The following CAMKMT variants were observed in gnomAD, a reference collection of about 807,000 sequenced individuals.
CAMKMT encodes calmodulin-lysine N-methyltransferase.
A neutral mutation model predicts 48.0 loss-of-function variants in CAMKMT; 53 were observed. That is an observed-to-expected ratio of 1.10 (90% confidence interval 0.89 to 1.39). CAMKMT has a LOEUF of 1.39. Ranked by LOEUF, CAMKMT falls within the 40% of genes most tolerant of loss-of-function variation. The pLI is 0.00. For synonymous variants in CAMKMT, 165 were observed against 152.3 expected (o/e 1.08, Z -0.61); for missense variants, 428 against 402.7 (o/e 1.06, Z -0.54).
chr2:44,632,291 T>G (rs368687366), intron 3 of CAMKMT, among the ~76,000 whole-genome samples: 21 of 152,330 alleles, frequency 1.4e-4, no homozygotes, highest in African/African-American at 4.6e-4. Flanking sequence ...TTTTTATTTT[T>G]TCCTTTATCA....
intron 3 of CAMKMT, among the ~76,000 whole-genome samples, chr2:44,604,957 A>G (rs1283823388): frequency 6.6e-6 from 1 of 152,108 alleles, no homozygotes; most frequent in Non-Finnish European, 1.5e-5. Flanking sequence ...TCAACGTGTT[A>G]TTTTCCCTTA....
At chr2:44,542,245 C>G (rs78781965) in intron 3 of CAMKMT, among the ~76,000 whole-genome samples, 95 of 152,098 alleles carry the variant, frequency 6.2e-4, no homozygotes, top group African/African-American at 2.1e-3. Flanking sequence ...TAAGGAGGCA[C>G]ATAATTTCTT....
intron 9 of CAMKMT, among the ~76,000 whole-genome samples, chr2:44,761,792 CGTGT>C (rs1188367755): frequency 1.3e-5 from 2 of 152,024 alleles, no homozygotes; most frequent in Admixed American, 1.3e-4. Context: ...TGAGTGTATG[CGTGT>C]GTGTGTGCTG....
chr2:44,622,974 T>C (rs12469243), intron 3 of CAMKMT, among the ~76,000 whole-genome samples: 87,733 of 152,042 alleles, frequency 0.58, 26,416 homozygotes, highest in Admixed American at 0.67. Context: ...GCATTCCCTT[T>C]TCTCTGCAGC....
At chr2:44,693,611 T>A (rs1676777634) in intron 3 of CAMKMT, among the ~76,000 whole-genome samples, 2 of 152,240 alleles carry the variant, frequency 1.3e-5, no homozygotes, top group African/African-American at 4.8e-5. Context: ...CCCGAAACAT[T>A]GTAGATGCCC....
chr2:44,684,411 G>A (rs1214075494), intron 3 of CAMKMT, among the ~76,000 whole-genome samples: 2 of 152,008 alleles, frequency 1.3e-5, no homozygotes, highest in Non-Finnish European at 2.9e-5. Context: ...AACCTTTCTC[G>A]AGGAGTTGTG....
intron 3 of CAMKMT, among the ~76,000 whole-genome samples, chr2:44,473,364 C>A (rs1420116636): frequency 6.6e-6 from 1 of 152,102 alleles, no homozygotes; most frequent in Non-Finnish European, 1.5e-5. Context: ...AACCTCCAAC[C>A]ACTAACAAAT....
At chr2:44,581,433 A>C (rs1669556535) in intron 3 of CAMKMT, among the ~76,000 whole-genome samples, 1 of 152,208 alleles carries the variant, frequency 6.6e-6, no homozygotes, top group Admixed American at 6.5e-5. Context: ...AGTTTGTTAT[A>C]TTCTACTGCT....
At chr2:44,541,899 C>T (rs1320241951) in intron 3 of CAMKMT, among the ~76,000 whole-genome samples, 1 of 152,110 alleles carries the variant, frequency 6.6e-6, no homozygotes, top group Non-Finnish European at 1.5e-5. Context: ...GAGGCTGAGG[C>T]AGGCAGATCA....
chr2:44,445,433 A>G (rs1666922711), intron 3 of CAMKMT, among the ~76,000 whole-genome samples: 1 of 152,108 alleles, frequency 6.6e-6, no homozygotes, highest in Non-Finnish European at 1.5e-5. Context: ...TTTCAAATGC[A>G]TCCCGAACCC....
At chr2:44,691,527 C>T (rs888299239) in intron 3 of CAMKMT, among the ~76,000 whole-genome samples, 4 of 152,142 alleles carry the variant, frequency 2.6e-5, no homozygotes, top group African/African-American at 9.7e-5. Context: ...TCCTATAGTC[C>T]TAGAAGAATT....
intron 3 of CAMKMT, among the ~76,000 whole-genome samples, chr2:44,590,207 G>A (rs1054480690): frequency 1.3e-5 from 2 of 152,070 alleles, no homozygotes; most frequent in African/African-American, 4.8e-5. Flanking sequence ...GTCTATGGGG[G>A]ATATTGGTCT....
intron 3 of CAMKMT, among the ~76,000 whole-genome samples, chr2:44,589,873 G>T: frequency 1.2e-4 from 2 of 16,968 alleles, no homozygotes; most frequent in South Asian, 1.8e-3. Flanking sequence ...AAACACCCAA[G>T]AATGATCAAT....
At chr2:44,713,707 C>A (rs1181658033) in intron 6 of CAMKMT, among the ~76,000 whole-genome samples, 1 of 152,038 alleles carries the variant, frequency 6.6e-6, no homozygotes, top group Non-Finnish European at 1.5e-5. Context: ...CATTAGCAGA[C>A]CTAATTGATT....
intron 3 of CAMKMT, among the ~76,000 whole-genome samples, chr2:44,470,676 G>C (rs373026280): frequency 2.6e-5 from 4 of 152,132 alleles, no homozygotes; most frequent in South Asian, 4.1e-4. Flanking sequence ...TCCAGACAAA[G>C]TCATTGCTAA....
chr2:44,497,167 T>G (rs1669787823), intron 3 of CAMKMT, among the ~76,000 whole-genome samples: 1 of 152,192 alleles, frequency 6.6e-6, no homozygotes, highest in South Asian at 2.1e-4. Flanking sequence ...TCTGCAAAAA[T>G]TTTATTAGCT....
In CAMKMT at chr2:44,710,620, T is replaced by C. The variant is rs566907617; in HGVS notation, c.556+3158T>C. ...ATAGTGTGAAACATGTTCCTTTTCT[T>C]TTTTTTTTGGCAATGCCCCTTTAGT... On this transcript the variant is annotated intron_variant, in intron 6 of 10. Coordinates refer to ENST00000378494, the MANE Select transcript of CAMKMT (RefSeq NM_024766.5). Among the ~76,000 whole-genome samples, 5 of 151,332 alleles carry C rather than the reference T, an allele frequency of 3.3e-5. No homozygotes were observed. The East Asian group carries it at 5.8e-4, about 18-fold the overall frequency.
At chr2:44,434,709 C>G (rs376581641) in intron 3 of CAMKMT, among the ~76,000 whole-genome samples, 4 of 152,188 alleles carry the variant, frequency 2.6e-5, no homozygotes, top group African/African-American at 7.2e-5. Context: ...GAAGAAACAT[C>G]CAGAGATGCT....
intron 3 of CAMKMT, among the ~76,000 whole-genome samples, chr2:44,624,334 TTTA>T (rs1272441256): frequency 1.3e-5 from 2 of 151,972 alleles, no homozygotes; most frequent in Non-Finnish European, 2.9e-5. Flanking sequence ...ATTTGTCTTT[TTTA>T]TTATTATACT....
Sources: allele counts gnomAD v4.1 joint callset (sites outside exome capture counted in the v4.1 genomes callset), GRCh38; gene constraint gnomAD v4.1.1; transcripts MANE v1.5; gene names NCBI Gene and HGNC (gene_info 2026-07-23, HGNC 2026-07-21).